Variants in RBPMS2 observed in about 807,000 individuals in gnomAD.
The protein encoded by RBPMS2 is RNA-binding protein with multiple splicing 2.
In RBPMS2, 14 loss-of-function variants were observed where a neutral mutation model predicts 25.7. The observed-to-expected ratio is 0.55, with a 90% CI of 0.36 to 0.85. The LOEUF (loss-of-function observed/expected upper bound fraction) is 0.85. Among genes scored for constraint, RBPMS2 ranks in the 40% least tolerant of loss-of-function variants. RBPMS2 has a pLI of 0.01. For synonymous variants in RBPMS2, 127 were observed against 115.6 expected (o/e 1.10, Z -0.63); for missense variants, 252 against 283.4 (o/e 0.89, Z 0.80).
chr15:64,774,414 C>G (rs2083913179), intron 1 of RBPMS2, among the ~76,000 whole-genome samples: 1 of 152,160 alleles, frequency 6.6e-6, no homozygotes, highest in African/African-American at 2.4e-5. Context: ...CACCCCACCC[C>G]GCACACACAT....
At chr15:64,769,856 T>A (rs530967647) in intron 1 of RBPMS2, among the ~76,000 whole-genome samples, 13 of 152,110 alleles carry the variant, frequency 8.5e-5, no homozygotes, top group African/African-American at 3.1e-4. Flanking sequence ...CTGGTTGGCA[T>A]CACCCAAAAC....
At position 64,740,564 on chromosome 15, in the gene RBPMS2, G is replaced by A. The variant is rs1316776750; in HGVS notation, c.*444C>T. On this transcript the variant is annotated 3_prime_UTR_variant, in exon 8 of 8. Transcript: ENST00000300069. ...GAGGGGCAGGCAGGATGAACCACTG[G>A]GAGCCAGGACCTGTCGCTATGGTGA... The A allele has an allele frequency of 6.5e-6, 1 of 152,898 alleles. No homozygotes were observed. Among genetic ancestry groups the A allele is most frequent in the Non-Finnish European group, 1.5e-5 (1 of 68,276 alleles). 9.5% of individuals were successfully genotyped at this position (152,898 alleles called of 1,614,324 possible). A position where few individuals can be genotyped will look rare whatever the true frequency, so the allele number is the denominator to read the frequency against.
chr15:64,743,727 G>A, intron 6 of RBPMS2, among the ~76,000 whole-genome samples: 1 of 152,200 alleles, frequency 6.6e-6, no homozygotes, highest in East Asian at 1.9e-4. Flanking sequence ...AGCGGAGGAT[G>A]CAAACTCAGC....
At chr15:64,747,656 G>C (rs1344413537) in intron 6 of RBPMS2, among the ~76,000 whole-genome samples, 2 of 152,194 alleles carry the variant, frequency 1.3e-5, no homozygotes, top group African/African-American at 4.8e-5. Context: ...CCTGCAGAGT[G>C]CTCCAGTGAC....
intron 1 of RBPMS2, among the ~76,000 whole-genome samples, chr15:64,757,732 G>A (rs139947256): frequency 6.6e-6 from 1 of 152,282 alleles, no homozygotes; most frequent in African/African-American, 2.4e-5. Flanking sequence ...GACCATTGTG[G>A]TACCTACGTC....
Position 64,748,521 on chromosome 15 carries a change from C to G in RBPMS2, c.465G>C (p.Trp155Cys), listed in dbSNP as rs1162525637. ...AALIPASPEA[W>C]APYPLYTTEL... is the part of the protein sequence containing the mutation. ...CTGTGGTGTACAAAGGGTAGGGGGCCCAGGCCTCTGGGGATGCAGGGATCA... is the reference window on the plus strand; with the variant it reads ...CTGTGGTGTACAAAGGGTAGGGGGCGCAGGCCTCTGGGGATGCAGGGATCA... The change falls in exon 6 of 8, where the codon TGG becomes TGC. Residue 155 changes from tryptophan to cysteine, a missense_variant. Transcript: ENST00000300069. 1.9e-6 allele frequency: 3 copies of G among 1,607,272 alleles called. No individual in the cohort carries two copies. Among genetic ancestry groups the G allele is most frequent in the Non-Finnish European group, 2.6e-6 (3 of 1,176,456 alleles).
At chr15:64,767,124 G>C (rs1461638842) in intron 1 of RBPMS2, among the ~76,000 whole-genome samples, 1 of 151,590 alleles carries the variant, frequency 6.6e-6, no homozygotes, top group Admixed American at 6.6e-5. Context: ...TTGAGACAGG[G>C]GCTCTCACTC....
chr15:64,746,350 A>G (rs771040524), intron 6 of RBPMS2, among the ~76,000 whole-genome samples: 1 of 152,244 alleles, frequency 6.6e-6, no homozygotes, highest in Non-Finnish European at 1.5e-5. Flanking sequence ...AGAGGACCCA[A>G]GGGAACCCAG....
chr15:64,768,603 A>G (rs1438035928), intron 1 of RBPMS2, among the ~76,000 whole-genome samples: 1 of 151,542 alleles, frequency 6.6e-6, no homozygotes, highest in Non-Finnish European at 1.5e-5. Context: ...GCGCCACTGC[A>G]CTCTAGCCTG....
In RBPMS2 at chr15:64,739,891, T is replaced by C. The variant is rs1010027771; in HGVS notation, c.*1117A>G. On this transcript the variant is annotated 3_prime_UTR_variant, in exon 8 of 8. Coordinates refer to ENST00000300069, the MANE Select transcript of RBPMS2 (RefSeq NM_194272.3). Reference sequence around the variant, plus strand: ...AGGGGGAAGCAAAGGCCGAGAGCAGTCATTTTGGTTTTGTTTTATTTTGCA... The same window carrying C: ...AGGGGGAAGCAAAGGCCGAGAGCAGCCATTTTGGTTTTGTTTTATTTTGCA... 2.0e-5 allele frequency: 3 copies of C among 152,602 alleles called. No individual in the cohort carries two copies. The highest frequency in any genetic ancestry group is 6.5e-5 in the Admixed American group (1 of 15,276). 9.5% of individuals were successfully genotyped at this position (152,602 alleles called of 1,614,324 possible).
intron 2 of RBPMS2, among the ~76,000 whole-genome samples, chr15:64,750,811 G>A (rs1162217611): frequency 2.6e-5 from 4 of 151,966 alleles, no homozygotes; most frequent in East Asian, 1.9e-4. Context: ...AGGCCGAGGC[G>A]GGCAGATCAC....
chr15:64,750,440 G>C (rs1364886646), intron 2 of RBPMS2, 59 bp from the exon 3 acceptor site: 35 of 1,456,000 alleles, frequency 2.4e-5, no homozygotes, highest in Non-Finnish European at 3.3e-5. Context: ...TGCTAGCCCA[G>C]CGCTGCCACC....
chr15:64,773,423 C>T (rs1375172979), intron 1 of RBPMS2, among the ~76,000 whole-genome samples: 2 of 152,200 alleles, frequency 1.3e-5, no homozygotes, highest in African/African-American at 4.8e-5. Context: ...GCCCACCATG[C>T]CCTTTTCCAA....
At chr15:64,759,311 G>A (rs1359101769) in intron 1 of RBPMS2, among the ~76,000 whole-genome samples, 1 of 152,182 alleles carries the variant, frequency 6.6e-6, no homozygotes, top group Non-Finnish European at 1.5e-5. Context: ...TTTGGACCAT[G>A]CTGTCTAATC....
chr15:64,749,086 T>C lies in RBPMS2; in HGVS notation c.332A>G (p.Lys111Arg), dbSNP rs1025942217. ...LRLEFAKANT[K>R]MAKSKLMATP... ...TGCCATTAGCTTGCTCTTGGCCATC[T>C]TGGTGTTGGCTTTGGCAAACTCTAG... is the stretch of plus-strand genomic sequence containing the variant. The change falls in exon 5 of 8, where the codon AAG becomes AGG. Residue 111 changes from lysine to arginine, a missense_variant. By Grantham distance (26) the Lys-to-Arg change is conservative (BLOSUM62 2). Transcript: ENST00000300069. The C allele has an allele frequency of 1.9e-6, 3 of 1,614,084 alleles. No homozygotes were observed. The highest frequency in any genetic ancestry group is 3.3e-5 in the Admixed American group (2 of 60,014).
intron 1 of RBPMS2, among the ~76,000 whole-genome samples, chr15:64,769,528 CG>C (rs1223464176): frequency 6.6e-6 from 1 of 150,746 alleles, no homozygotes; most frequent in Non-Finnish European, 1.5e-5. Context: ...GGCGTAGCAG[CG>C]GGCGCCTGTA....
Position 64,748,992 on chromosome 15 carries a change from C to T in RBPMS2, c.418+8G>A. 6.2e-7 allele frequency: 1 copy of T among 1,613,878 alleles called. No homozygotes were observed. The highest frequency in any genetic ancestry group is 8.5e-7 in the Non-Finnish European group (1 of 1,179,836). On this transcript the variant is annotated splice_region_variant and intron_variant, in intron 5 of 7. Coordinates refer to ENST00000300069, the MANE Select transcript of RBPMS2 (RefSeq NM_194272.3). ...CATGAGGGCCTGCCAGCTCAGAGTGCCACTCACAGGGGTCCCGTGCGATGA... is the reference window on the plus strand; with the variant it reads ...CATGAGGGCCTGCCAGCTCAGAGTGTCACTCACAGGGGTCCCGTGCGATGA...
At chr15:64,759,735 C>G (rs1167709028) in intron 1 of RBPMS2, among the ~76,000 whole-genome samples, 1 of 152,010 alleles carries the variant, frequency 6.6e-6, no homozygotes, top group Non-Finnish European at 1.5e-5. Context: ...TGCAGTGGCA[C>G]CATCTCAGCT....
chr15:64,746,635 C>T (rs926203199), intron 6 of RBPMS2, among the ~76,000 whole-genome samples: 6 of 152,218 alleles, frequency 3.9e-5, no homozygotes, highest in Non-Finnish European at 7.3e-5. Context: ...AGCCCTGTGG[C>T]GTGGAGCTCA....
Sources: allele counts gnomAD v4.1 joint callset (sites outside exome capture counted in the v4.1 genomes callset), GRCh38; gene constraint gnomAD v4.1.1; transcripts MANE v1.5; gene names NCBI Gene and HGNC (gene_info 2026-07-23, HGNC 2026-07-21).